Variants in CWF19L2 observed in about 807,000 individuals in gnomAD.
CWF19L2 encodes the protein CWF19-like protein 2.
In CWF19L2, 98 loss-of-function variants were observed where a neutral mutation model predicts 111.7. The observed-to-expected ratio is 0.88, with a 90% confidence interval of 0.75 to 1.04. CWF19L2 has a LOEUF of 1.04. CWF19L2 is among the 50% of genes least tolerant of loss of function. The pLI, the probability that CWF19L2 is intolerant of heterozygous loss-of-function variation, is 0.00. For missense variants in CWF19L2, 1,101 were observed against 1,051.4 expected (o/e 1.05, Z -0.65); for synonymous variants, 351 against 342.9 (o/e 1.02, Z -0.26).
chr11:107,371,858 C>A (rs1307696373), intron 12 of CWF19L2, among the ~76,000 whole-genome samples: 4 of 136,874 alleles, frequency 2.9e-5, no homozygotes, highest in African/African-American at 1.2e-4. Context: ...CAAAAAAGGA[C>A]AACAAAAATA....
intron 10 of CWF19L2, among the ~76,000 whole-genome samples, chr11:107,413,660 G>A (rs623599): frequency 0.4 from 61,580 of 152,062 alleles, 12,664 homozygotes; most frequent in Middle Eastern, 0.5. Context: ...CCCAGTCCCT[G>A]CTTTTTAATC....
chr11:107,371,454 T>C (rs1309526618), intron 12 of CWF19L2, among the ~76,000 whole-genome samples: 1 of 137,462 alleles, frequency 7.3e-6, no homozygotes, highest in Non-Finnish European at 1.6e-5. Context: ...CATTGACTTA[T>C]GTGTAATTTT....
chr11:107,369,197 C>G (rs893764532), intron 12 of CWF19L2, among the ~76,000 whole-genome samples: 7 of 137,806 alleles, frequency 5.1e-5, no homozygotes, highest in Non-Finnish European at 1.1e-4. Context: ...TTTGTGCTCT[C>G]TATAAAGTCT....
chr11:107,356,092 G>A (rs368516268), intron 12 of CWF19L2, among the ~76,000 whole-genome samples: 51 of 152,080 alleles, frequency 3.4e-4, no homozygotes, highest in African/African-American at 1.1e-3. Flanking sequence ...AAATATTTTT[G>A]GAAAACTGCC....
rs377368577 is a variant in CWF19L2, at chr11:107,429,105, T to C, written c.1127A>G (p.Glu376Gly). 2.0e-5 allele frequency: 32 copies of C among 1,613,804 alleles called. No individual in the cohort carries two copies. The African/African-American group carries it at 3.3e-4, about 17-fold the overall frequency. ...TCTGCCCTTGCTGTGAAATGACAGT[T>C]CTTCATCATCAGAGGGTCTCAAGAA... ...AKFLRPSDDE[E>G]LSFHSKGRKF... Residue 376 changes from glutamate (E) to glycine (G), a missense_variant, in exon 8 of 18, where the codon GAA (glutamate) becomes GGA (glycine). Physicochemically the swap from Glu to Gly is moderately conservative, Grantham distance 98. Coordinates refer to ENST00000282251, the MANE Select transcript of CWF19L2 (RefSeq NM_152434.3).
chr11:107,446,512 T>C (rs1861703967), intron 3 of CWF19L2, among the ~76,000 whole-genome samples: 1 of 152,174 alleles, frequency 6.6e-6, no homozygotes, highest in African/African-American at 2.4e-5. Flanking sequence ...TGGCATCATG[T>C]TGGATGGTAT....
intron 12 of CWF19L2, among the ~76,000 whole-genome samples, chr11:107,387,459 AAACAAAAC>A (rs1228056150): frequency 1.9e-5 from 1 of 53,234 alleles, no homozygotes; most frequent in East Asian, 5.0e-4. Flanking sequence ...AAACAAAACA[AAACAAAAC>A]AAAAAACAAA....
chr11:107,384,800 TTAATGACTTTAAAC>T (rs1307391505), intron 12 of CWF19L2, among the ~76,000 whole-genome samples: 21 of 152,306 alleles, frequency 1.4e-4, no homozygotes, highest in African/African-American at 3.4e-4. Flanking sequence ...CAACCTCTGT[TTAATGACTTTAAAC>T]TAATGACTTT....
intron 6 of CWF19L2, among the ~76,000 whole-genome samples, chr11:107,437,122 C>T (rs1021368927): frequency 2.0e-5 from 3 of 152,046 alleles, no homozygotes; most frequent in African/African-American, 7.2e-5. Context: ...ATAAAACCTT[C>T]CCAAAAGATT....
chr11:107,341,234 T>C (rs988639590), intron 14 of CWF19L2, among the ~76,000 whole-genome samples: 2 of 152,202 alleles, frequency 1.3e-5, no homozygotes, highest in African/African-American at 4.8e-5. Context: ...TAGCACAACA[T>C]TGTGATGTGA....
At chr11:107,388,628 C>A (rs1343051930) in intron 12 of CWF19L2, among the ~76,000 whole-genome samples, 2 of 152,102 alleles carry the variant, frequency 1.3e-5, no homozygotes, top group Non-Finnish European at 2.9e-5. Context: ...GATCTGCCTG[C>A]CTAGGCCCCC....
At chr11:107,361,599 G>C (rs1301269287) in intron 12 of CWF19L2, among the ~76,000 whole-genome samples, 4 of 152,152 alleles carry the variant, frequency 2.6e-5, no homozygotes, top group Admixed American at 2.6e-4. Context: ...AAGTCTTCTG[G>C]TCCATGAGAA....
chr11:107,440,030 C>T (rs536213116), intron 5 of CWF19L2, among the ~76,000 whole-genome samples: 21 of 152,232 alleles, frequency 1.4e-4, no homozygotes, highest in East Asian at 5.8e-4. Flanking sequence ...GTTCTAAGCA[C>T]GATGCCAGGC....
intron 10 of CWF19L2, among the ~76,000 whole-genome samples, chr11:107,407,772 A>G (rs1190659163): frequency 6.6e-6 from 1 of 152,038 alleles, no homozygotes; most frequent in African/African-American, 2.4e-5. Context: ...ATATAATCAT[A>G]ACTATCCAAA....
chr11:107,338,878 C>T (rs1342100802), intron 14 of CWF19L2, among the ~76,000 whole-genome samples: 1 of 152,150 alleles, frequency 6.6e-6, no homozygotes, highest in African/African-American at 2.4e-5. Flanking sequence ...GCAATGAACA[C>T]ATGTGTGCAT....
intron 14 of CWF19L2, among the ~76,000 whole-genome samples, chr11:107,342,198 C>A (rs901966149): frequency 5.3e-5 from 8 of 151,890 alleles, no homozygotes; most frequent in African/African-American, 1.9e-4. Flanking sequence ...TCTCGGCACT[C>A]CCTTAGCTGT....
chr11:107,452,408 A>G (rs1372808061), intron 3 of CWF19L2, among the ~76,000 whole-genome samples: 1 of 152,098 alleles, frequency 6.6e-6, no homozygotes, highest in Non-Finnish European at 1.5e-5. Flanking sequence ...AAAAATAACA[A>G]ACGACATGTA....
At chr11:107,455,392 A>C (rs889069074) in intron 2 of CWF19L2, among the ~76,000 whole-genome samples, 4 of 152,164 alleles carry the variant, frequency 2.6e-5, no homozygotes, top group African/African-American at 9.6e-5. Context: ...AAAATGCATA[A>C]ATTTTTAGGC....
chr11:107,330,013 T>C lies in CWF19L2; in HGVS notation c.2446A>G (p.Arg816Gly), dbSNP rs1350956235. The change falls in exon 17 of 18, where the codon AGA (arginine) becomes GGA (glycine). Residue 816 changes from arginine (R) to glycine (G), a missense_variant. By Grantham distance (125) the Arg-to-Gly change is moderately radical (BLOSUM62 -2). Transcript: ENST00000282251. ...SSKDIRKSVP[R>G]GLPYFSVDFG... ...TCCACAGAGAAGTAAGGTAACCCTC[T>C]GGGTACCTAAATAAACAGACAAATC... 3 of 1,558,714 alleles carry C rather than the reference T, an allele frequency of 1.9e-6. No individual in the cohort carries two copies. Among genetic ancestry groups the C allele is most frequent in the Admixed American group, 4.0e-5 (2 of 50,496 alleles).
Sources: gnomAD v4.1 joint callset for allele counts (sites outside exome capture counted in the v4.1 genomes callset) on GRCh38, gnomAD v4.1.1 for gene constraint, MANE v1.5 for transcripts, NCBI Gene and HGNC (gene_info 2026-07-23, HGNC 2026-07-21) for gene names.